Variants in USP6 observed in about 807,000 individuals in gnomAD.
USP6 encodes the protein ubiquitin carboxyl-terminal hydrolase 6.
USP6 carries 128 observed loss-of-function variants against 175.7 expected under a neutral mutation model. That is an observed-to-expected ratio of 0.73 (90% CI 0.63 to 0.84). USP6 has a LOEUF of 0.84. Among genes scored for constraint, USP6 ranks in the 40% least tolerant of loss-of-function variants. USP6 has a pLI of 0.00. For missense variants in USP6, 1,498 were observed against 1,760.3 expected (o/e 0.85, Z 2.67); for synonymous variants, 562 against 630.6 (o/e 0.89, Z 1.63).
At chr17:5,145,812 A>C (rs1422222954) in intron 27 of USP6, among the ~76,000 whole-genome samples, 1 of 152,148 alleles carries the variant, frequency 6.6e-6, no homozygotes, top group East Asian at 1.9e-4. Context: ...AAAGCCACTC[A>C]CACTTTTATG....
intron 4 of USP6, among the ~76,000 whole-genome samples, chr17:5,124,008 C>T (rs2072807760): frequency 6.6e-6 from 1 of 152,182 alleles, no homozygotes; most frequent in Non-Finnish European, 1.5e-5. Context: ...CGCACAAACA[C>T]GCACCCATAG....
At chr17:5,164,165 G>A (rs1359657685) in intron 33 of USP6, among the ~76,000 whole-genome samples, 4 of 152,156 alleles carry the variant, frequency 2.6e-5, no homozygotes, top group South Asian at 4.1e-4. Flanking sequence ...AGTTTTTAAA[G>A]CATTCCCTTT....
Position 5,162,316 on chromosome 17 carries a change from TA to T in USP6, c.2916-566del, listed in dbSNP as rs2074020119. Among the ~76,000 whole-genome samples, 3 of 152,106 alleles carry T rather than the reference TA, an allele frequency of 2.0e-5. No homozygotes were observed. In the South Asian group the frequency reaches 6.2e-4, roughly 32 times the overall value. ...ACAGTTGCACACCACTGTACCCAGC[TA>T]ATTTCTGCATTTTTAGTAGGAATGG... is the stretch of plus-strand genomic sequence containing the variant. On this transcript the variant is annotated intron_variant, in intron 32 of 37. Transcript: ENST00000574788.
intron 1 of USP6, 71 bp from the exon 2 acceptor site, chr17:5,118,129 C>T (rs2072575886): frequency 6.6e-6 from 1 of 152,026 alleles, no homozygotes; most frequent in South Asian, 2.1e-4. Flanking sequence ...CTAGCATTCA[C>T]TTATTCTACC....
In USP6 at chr17:5,136,752, T is replaced by C; in HGVS notation, c.759+18T>C. 3 of 1,611,322 alleles carry C rather than the reference T, an allele frequency of 1.9e-6. No individual in the cohort carries two copies. The highest frequency in any genetic ancestry group is 2.1e-4 in the Middle Eastern group (1 of 4,758). On this transcript the variant is annotated intron_variant, in intron 18 of 37. Coordinates refer to ENST00000574788, the MANE Select transcript of USP6 (RefSeq NM_001304284.2). ...GGCATCAGGTGAGTTTATGGTCCCCTCGGCTCTTCTCAGAGGCCCTGCCTC... is the reference window on the plus strand; with the variant it reads ...GGCATCAGGTGAGTTTATGGTCCCCCCGGCTCTTCTCAGAGGCCCTGCCTC...
At position 5,132,149 on chromosome 17, in the gene USP6, A is replaced by AC; in HGVS notation, c.156-241dup. On this transcript the variant is annotated intron_variant, in intron 11 of 37. Coordinates refer to ENST00000574788, the MANE Select transcript of USP6 (RefSeq NM_001304284.2). The surrounding 1 kb of genome is among the most constrained non-coding windows in gnomAD (Gnocchi z 4.7). ...TGGGCAGCCCCACTGTGGCCTGACC[A>AC]CCCCCCATGCCAGGGGCCCCAGTAA... is the stretch of plus-strand genomic sequence containing the variant. 7.0e-7 allele frequency: 1 copy of AC among 1,421,122 alleles called. No homozygotes were observed. The allele number at this position is 1,421,122 out of a possible 1,614,324, so 88.0% of individuals were successfully genotyped here. A position where few individuals can be genotyped will look rare whatever the true frequency, so the allele number is the denominator to read the frequency against.
In USP6 at chr17:5,166,653, G is replaced by A. The variant is rs919979107; in HGVS notation, c.3037-1279G>A. 3.3e-5 allele frequency among the ~76,000 whole-genome samples: 5 copies of A among 152,018 alleles called. 1 individual carries two copies. In the Middle Eastern group the frequency reaches 0.01, roughly 310 times the overall value. On this transcript the variant is annotated intron_variant, in intron 33 of 37. Transcript: ENST00000574788. ...AATATATACTGTGTGAAGTCTTAAC[G>A]GTAGCATTCATAACCCTGATGCTTC...
intron 4 of USP6, among the ~76,000 whole-genome samples, chr17:5,122,486 G>C (rs1409982720): frequency 6.6e-6 from 1 of 152,212 alleles, no homozygotes; most frequent in Non-Finnish European, 1.5e-5. Flanking sequence ...TTCCATCAAG[G>C]TTTTTCCAAA....
chr17:5,149,868 C>T (rs193114000), intron 30 of USP6, among the ~76,000 whole-genome samples: 1 of 152,108 alleles, frequency 6.6e-6, no homozygotes, highest in African/African-American at 2.4e-5. Flanking sequence ...AAGAGGTAGT[C>T]TTCGGGTATA....
rs146852001 is a variant in USP6, at chr17:5,130,286, C to T, written c.-1-81C>T. The T allele has an allele frequency of 4.8e-5, 69 of 1,435,718 alleles. No individual in the cohort carries two copies. The East Asian group carries it at 1.5e-3, about 31-fold the overall frequency. 88.9% of individuals were successfully genotyped at this position (1,435,718 alleles called of 1,614,324 possible). On this transcript the variant is annotated intron_variant, in intron 9 of 37. Coordinates refer to ENST00000574788, the MANE Select transcript of USP6 (RefSeq NM_001304284.2). ...TGAAGGTTATACAACCAGCCAGCAT[C>T]TGGGAGCCCGGTGGGAGCGGTTCAG...
At chr17:5,134,322 C>T (rs966481635) in intron 15 of USP6, 10 of 335,774 alleles carry the variant, frequency 3.0e-5, no homozygotes, top group Admixed American at 2.9e-4. Flanking sequence ...GGATGGAGGG[C>T]CCATGAGCCT....
At chr17:5,171,128 C>T (rs973198893) in intron 36 of USP6, among the ~76,000 whole-genome samples, 1 of 152,044 alleles carries the variant, frequency 6.6e-6, no homozygotes, top group Non-Finnish European at 1.5e-5. Context: ...ACAGGAGGAT[C>T]GCTTGAGCCC....
chr17:5,145,243 A>C (rs2073573023), intron 26 of USP6, among the ~76,000 whole-genome samples, 162 bp from the exon 27 acceptor site: 1 of 152,156 alleles, frequency 6.6e-6, no homozygotes, highest in African/African-American at 2.4e-5. Context: ...ACAAATGAAA[A>C]ATAGGATTTT....
chr17:5,139,114 C>G, intron 21 of USP6, 141 bp from the exon 22 acceptor site: 2 of 1,596,802 alleles, frequency 1.3e-6, no homozygotes, highest in Non-Finnish European at 1.7e-6. Flanking sequence ...GATCAGCAGA[C>G]TACAGGCGTG....
intron 35 of USP6, among the ~76,000 whole-genome samples, chr17:5,170,040 G>A (rs2074179286): frequency 6.6e-6 from 1 of 152,204 alleles, no homozygotes; most frequent in Admixed American, 6.5e-5. Flanking sequence ...GGATTTTTGT[G>A]AGACACAGAG....
In USP6 at chr17:5,142,335, T is replaced by TG. The variant is rs2073472174; in HGVS notation, c.1713-62_1713-61insG. 1.2e-5 allele frequency: 19 copies of TG among 1,586,014 alleles called. No homozygotes were observed. The Middle Eastern group carries it at 7.1e-4, about 59-fold the overall frequency. ...TTTTGATGTGAGATGCTAGGCATCT[T>TG]TGCCCACATGATTGTGATTTATGAG... is the stretch of plus-strand genomic sequence containing the variant. On this transcript the variant is annotated intron_variant, in intron 24 of 37. Transcript: ENST00000574788.
At chr17:5,160,722 T>C (rs1294296123) in intron 31 of USP6, among the ~76,000 whole-genome samples, 1 of 152,262 alleles carries the variant, frequency 6.6e-6, no homozygotes, top group East Asian at 1.9e-4. Context: ...GCATGATTTA[T>C]AATCCTTTGG....
chr17:5,152,105 G>A (rs1307031150), intron 30 of USP6, among the ~76,000 whole-genome samples: 1 of 152,070 alleles, frequency 6.6e-6, no homozygotes, highest in East Asian at 1.9e-4. Flanking sequence ...AACTGGGCAT[G>A]GTGGTGGGTG....
chr17:5,174,159 T>C lies in USP6; in HGVS notation c.*1181T>C, dbSNP rs1300774321. On this transcript the variant is annotated 3_prime_UTR_variant, in exon 38 of 38. Transcript: ENST00000574788. ...ATTTTACAGTAGTCATTGAAAGTTA[T>C]GTTTCTTTGCTTACTTCATTTTTTC... is the stretch of plus-strand genomic sequence containing the variant. 1.5e-5 allele frequency: 3 copies of C among 197,420 alleles called. No individual in the cohort carries two copies. The East Asian group carries it at 2.4e-4, about 16-fold the overall frequency. The allele number at this position is 197,420 out of a possible 1,614,324, so 12.2% of individuals were successfully genotyped here. A position where few individuals can be genotyped will look rare whatever the true frequency, so the allele number is the denominator to read the frequency against.
Sources: allele counts gnomAD v4.1 joint callset (sites outside exome capture counted in the v4.1 genomes callset), GRCh38; gene constraint gnomAD v4.1.1; non-coding constraint Gnocchi (gnomAD v3.1); transcripts MANE v1.5; gene names NCBI Gene and HGNC (gene_info 2026-07-23, HGNC 2026-07-21).